Variants in MACROD2 observed in about 807,000 individuals in gnomAD.
The protein encoded by MACROD2 is mono-ADP ribosylhydrolase 2, also known as ADP-ribose glycohydrolase MACROD2.
Under a neutral mutation model 70.4 loss-of-function variants are expected in MACROD2, and 36 were observed. The ratio of observed to expected loss-of-function variants is 0.51; its 90% CI spans 0.39 to 0.68. The LOEUF (loss-of-function observed/expected upper bound fraction) is 0.68, where lower values mean the gene tolerates loss of function less well. Ranked by LOEUF, MACROD2 falls within the 30% of genes least tolerant of loss-of-function variation. The pLI is 0.00. For missense variants in MACROD2, 496 were observed against 538.4 expected (o/e 0.92, Z 0.78); for synonymous variants, 172 against 178.8 (o/e 0.96, Z 0.30).
chr20:15,743,206 T>A (rs11697060), intron 8 of MACROD2, among the ~76,000 whole-genome samples: 1 of 151,984 alleles, frequency 6.6e-6, no homozygotes, highest in Non-Finnish European at 1.5e-5. Context: ...ATATGAACAT[T>A]TCAGCGGGCA....
intron 2 of MACROD2, among the ~76,000 whole-genome samples, chr20:14,081,523 T>C (rs2053994827): frequency 6.6e-6 from 1 of 152,224 alleles, no homozygotes; most frequent in African/African-American, 2.4e-5. Context: ...AAACCAGTGA[T>C]GTACAAGCTG....
intron 5 of MACROD2, among the ~76,000 whole-genome samples, chr20:14,948,546 C>CT (rs1424002379): frequency 2.0e-5 from 3 of 152,118 alleles, no homozygotes; most frequent in Non-Finnish European, 4.4e-5. Flanking sequence ...TACAGCAACT[C>CT]TAACTGTTTC....
chr20:15,520,649 C>T (rs942470993), intron 8 of MACROD2, among the ~76,000 whole-genome samples: 13 of 152,296 alleles, frequency 8.5e-5, no homozygotes, highest in Non-Finnish European at 1.5e-4. Flanking sequence ...AACAGAGGAA[C>T]GGCAAGATCC....
intron 5 of MACROD2, among the ~76,000 whole-genome samples, chr20:14,815,608 C>T (rs1438949749): frequency 2.0e-5 from 3 of 151,946 alleles, no homozygotes; most frequent in African/African-American, 7.2e-5. Context: ...TTTAGTATTA[C>T]AATCTGTAGC....
At chr20:14,525,412 C>T (rs1450220405) in intron 4 of MACROD2, among the ~76,000 whole-genome samples, 3 of 152,280 alleles carry the variant, frequency 2.0e-5, no homozygotes, top group African/African-American at 4.8e-5. Flanking sequence ...GCAGGTGCTG[C>T]GTTAGTTACT....
intron 4 of MACROD2, among the ~76,000 whole-genome samples, chr20:14,682,888 A>AT (rs1372358781): frequency 3.3e-5 from 5 of 151,890 alleles, no homozygotes; most frequent in Admixed American, 6.6e-5. Context: ...TTATTTATTT[A>AT]TTTTTTTTGA....
chr20:15,141,291 CATATAG>C (rs988077592), intron 5 of MACROD2, among the ~76,000 whole-genome samples: 64 of 152,244 alleles, frequency 4.2e-4, no homozygotes, highest in Middle Eastern at 3.4e-3. Context: ...AGCATACATA[CATATAG>C]ATATACACGT....
intron 8 of MACROD2, among the ~76,000 whole-genome samples, chr20:15,675,554 A>C (rs2050045835): frequency 6.6e-6 from 1 of 152,230 alleles, no homozygotes; most frequent in African/African-American, 2.4e-5. Context: ...TAGCGCTGGC[A>C]ACCCTTTTAA....
At chr20:15,981,660 T>C (rs984359006) in intron 13 of MACROD2, among the ~76,000 whole-genome samples, 3 of 152,228 alleles carry the variant, frequency 2.0e-5, no homozygotes, top group Admixed American at 1.3e-4. Flanking sequence ...GCACATTTAG[T>C]TCATCCTAGA....
chr20:14,411,271 T>A (rs2122866112), intron 3 of MACROD2, among the ~76,000 whole-genome samples: 1 of 152,228 alleles, frequency 6.6e-6, no homozygotes, highest in East Asian at 1.9e-4. Flanking sequence ...GATTCAAATC[T>A]TCAACTCTAA....
intron 5 of MACROD2, among the ~76,000 whole-genome samples, chr20:14,695,395 C>G (rs952527121): frequency 1.3e-5 from 2 of 152,164 alleles, no homozygotes; most frequent in East Asian, 3.9e-4. Flanking sequence ...CACTCGAATC[C>G]GGGATCATCT....
intron 5 of MACROD2, among the ~76,000 whole-genome samples, chr20:14,787,750 G>A (rs1469117054): frequency 6.6e-6 from 1 of 152,094 alleles, no homozygotes; most frequent in Non-Finnish European, 1.5e-5. Flanking sequence ...TACAAGGGAA[G>A]AGGGAGCAGA....
chr20:15,632,923 T>C (rs1568941397), intron 8 of MACROD2, among the ~76,000 whole-genome samples: 1 of 151,394 alleles, frequency 6.6e-6, no homozygotes, highest in Admixed American at 6.6e-5. Context: ...TCTCCCTTCC[T>C]CCCCTTCTTT....
At chr20:15,219,045 C>CAA (rs1342587848) in intron 5 of MACROD2, among the ~76,000 whole-genome samples, 96 of 140,394 alleles carry the variant, frequency 6.8e-4, no homozygotes, top group Middle Eastern at 3.7e-3. Flanking sequence ...GACTCCGTCT[C>CAA]AAAAAAAAAA....
At chr20:15,599,441 TC>T (rs1432588804) in intron 8 of MACROD2, among the ~76,000 whole-genome samples, 1 of 151,912 alleles carries the variant, frequency 6.6e-6, no homozygotes, top group Admixed American at 6.6e-5. Flanking sequence ...AGGCCTGTGA[TC>T]CTTTTACCAC....
intron 5 of MACROD2, among the ~76,000 whole-genome samples, chr20:14,738,060 T>A (rs933637722): frequency 6.7e-6 from 1 of 148,338 alleles, no homozygotes; most frequent in Non-Finnish European, 1.5e-5. Context: ...CAAACTGTTT[T>A]GTTTTTCTCA....
At chr20:15,237,708 G>T (rs978750300) in intron 6 of MACROD2, among the ~76,000 whole-genome samples, 4 of 152,146 alleles carry the variant, frequency 2.6e-5, no homozygotes, top group African/African-American at 9.7e-5. Context: ...GACAAGTGGG[G>T]CTCTGTCTTG....
chr20:14,755,043 G>A lies in MACROD2; in HGVS notation c.418+70084G>A, dbSNP rs545699335. On this transcript the variant is annotated intron_variant, in intron 5 of 17. Transcript: ENST00000684519. ...TCACTTATCAGCTGAAAACAGCTGA[G>A]CAATCAAAGCACAGGTTCTTCCTTG... 1.3e-3 allele frequency among the ~76,000 whole-genome samples: 201 copies of A among 152,162 alleles called. 1 individual carries two copies. Among genetic ancestry groups the A allele is most frequent in the African/African-American group, 4.7e-3 (194 of 41,456 alleles).
rs6105370 is a variant in MACROD2, at chr20:15,178,888, C to T, written c.419-51052C>T. Among the ~76,000 whole-genome samples, 415 of 152,144 alleles carry T rather than the reference C, an allele frequency of 2.7e-3. 2 individuals are homozygous for T. The highest frequency in any genetic ancestry group is 5.0e-3 in the Non-Finnish European group (341 of 68,006). ...ATGCTTTGTGGTAATGGGTAGTGAC[C>T]ACAGTATAGCAGGGGCAAATTGAAC... On this transcript the variant is annotated intron_variant, in intron 5 of 17. Coordinates refer to ENST00000684519, the MANE Select transcript of MACROD2 (RefSeq NM_001351661.2).
Sources: gnomAD v4.1 joint callset for allele counts (sites outside exome capture counted in the v4.1 genomes callset) on GRCh38, gnomAD v4.1.1 for gene constraint, MANE v1.5 for transcripts, NCBI Gene and HGNC (gene_info 2026-07-23, HGNC 2026-07-21) for gene names.